The following RANBP3 variants were observed in gnomAD, a reference collection of about 807,000 sequenced individuals.
The protein encoded by RANBP3 is ran-binding protein 3.
In RANBP3, 14 loss-of-function variants were observed where a neutral mutation model predicts 77.3. The ratio of observed to expected loss-of-function variants is 0.18; its 90% confidence interval spans 0.12 to 0.28. The LOEUF (loss-of-function observed/expected upper bound fraction) is 0.28, where lower values mean the gene tolerates loss of function less well. Ranked by LOEUF, RANBP3 falls within the 10% of genes least tolerant of loss-of-function variation. The pLI is 1.00. For missense variants in RANBP3, 586 were observed against 752.3 expected, an observed-to-expected ratio of 0.78 and a Z score of 2.59; for synonymous variants, 315 against 312.4, an observed-to-expected ratio of 1.01 and a Z score of -0.09.
chr19:5,975,758 T>TA (rs1242322890), intron 1 of RANBP3, among the ~76,000 whole-genome samples: 4 of 150,766 alleles, frequency 2.7e-5, no homozygotes, highest in African/African-American at 9.8e-5. Context: ...CTCTCATTAA[T>TA]AAAGTAACAT....
At chr19:5,976,850 G>C (rs1265890595) in intron 1 of RANBP3, among the ~76,000 whole-genome samples, 1 of 152,216 alleles carries the variant, frequency 6.6e-6, no homozygotes, top group Non-Finnish European at 1.5e-5. Flanking sequence ...AGAATCTGCA[G>C]GGACTGAGCA....
At chr19:5,918,061 C>A (rs999752646) in intron 15 of RANBP3, 81 bp from the exon 16 acceptor site, 8 of 1,447,066 alleles carry the variant, frequency 5.5e-6, no homozygotes, top group Non-Finnish European at 6.5e-6. Context: ...GTGCCAAGTC[C>A]CAAGGTTCAG....
At chr19:5,947,605 T>G (rs140489050) in intron 3 of RANBP3, among the ~76,000 whole-genome samples, 3 of 152,290 alleles carry the variant, frequency 2.0e-5, no homozygotes, top group East Asian at 3.9e-4. Flanking sequence ...GAGGGCCCTT[T>G]GACTTGTCTC....
Position 5,928,183 on chromosome 19 carries a change from C to T in RANBP3, c.694-96G>A, listed in dbSNP as rs2057938873. The stretch of plus-strand genomic sequence containing the variant: ...ATCCCACACCAGATCATGTACTCCA[C>T]ACGTCTCCTCTGCATGTGCCTGCAC... On this transcript the variant is annotated intron_variant, in intron 8 of 16. Coordinates refer to ENST00000340578, the MANE Select transcript of RANBP3 (RefSeq NM_007322.3). 2.8e-6 allele frequency: 4 copies of T among 1,410,764 alleles called. No individual in the cohort carries two copies. The East Asian group carries it at 9.4e-5, about 33-fold the overall frequency. The allele number at this position is 1,410,764 out of a possible 1,614,324, so 87.4% of individuals were successfully genotyped here. A position where few individuals can be genotyped will look rare whatever the true frequency, so the allele number is the denominator to read the frequency against.
rs1383802415 is a variant in RANBP3, at chr19:5,951,608, A to G, written c.79-12T>C. 1.2e-6 allele frequency: 2 copies of G among 1,610,136 alleles called. No individual in the cohort carries two copies. The highest frequency in any genetic ancestry group is 8.5e-7 in the Non-Finnish European group (1 of 1,178,124). On this transcript the variant is annotated splice_polypyrimidine_tract_variant and intron_variant, in intron 2 of 16. Coordinates refer to ENST00000340578, the MANE Select transcript of RANBP3 (RefSeq NM_007322.3). ...TGCTCTGCAGGGGACTGGGAGCAAA[A>G]AAGACAATTTTCCTTCAATGTGAAT...
chr19:5,941,732 G>C (rs147717155), intron 4 of RANBP3, 25 bp from the exon 5 acceptor site: 2 of 1,612,606 alleles, frequency 1.2e-6, no homozygotes, highest in Non-Finnish European at 1.7e-6. Context: ...GAGAAGAGGA[G>C]GAGAAAAATC....
At chr19:5,940,123 G>A (rs1568460923) in intron 5 of RANBP3, among the ~76,000 whole-genome samples, 1 of 152,198 alleles carries the variant, frequency 6.6e-6, no homozygotes, top group African/African-American at 2.4e-5. Flanking sequence ...TGCCCCTCAC[G>A]CCTCCAGTTA....
At chr19:5,926,574 G>A (rs1425103039) in intron 9 of RANBP3, among the ~76,000 whole-genome samples, 1 of 152,106 alleles carries the variant, frequency 6.6e-6, no homozygotes, top group Non-Finnish European at 1.5e-5. Context: ...AGAATCCATG[G>A]CTCAAGTTTG....
chr19:5,951,407 G>C lies in RANBP3; in HGVS notation c.268C>G (p.Arg90Gly). ...APEAQLPPFP[R>G]ELAGRSAGGS... ...TGTGGACTTACCCCTGCCAGTTCTCGCGGAAAAGGAGGAAGCTGGGCTTCA... is the reference window on the plus strand; with the variant it reads ...TGTGGACTTACCCCTGCCAGTTCTCCCGGAAAAGGAGGAAGCTGGGCTTCA... Residue 90 changes from arginine to glycine, a missense_variant, in exon 3 of 17, where the codon CGA becomes GGA. Arg to Gly is a moderately radical substitution (Grantham distance 125). This residue lies in a region of RANBP3 where 172 missense variants were observed against 183.4 expected (regional missense o/e 0.94). Transcript: ENST00000340578. 1 of 1,561,086 alleles carries C rather than the reference G, an allele frequency of 6.4e-7. No homozygotes were observed. The highest frequency in any genetic ancestry group is 1.8e-4 in the Middle Eastern group (1 of 5,420).
rs962656432 is a variant in RANBP3 at position 5,917,448 on chromosome 19, A to T, written c.*162T>A. The T allele has an allele frequency of 9.9e-6, 7 of 704,152 alleles. No individual in the cohort carries two copies. The Admixed American group carries it at 2.1e-4, about 21-fold the overall frequency. 43.6% of individuals were successfully genotyped at this position (704,152 alleles called of 1,614,324 possible). A position where few individuals can be genotyped will look rare whatever the true frequency, so the allele number is the denominator to read the frequency against. ...CCAAACCACATTCAGGCAGTTCCCG[A>T]GTCTGCTTTTGAACAGGACGTGCGG... On this transcript the variant is annotated 3_prime_UTR_variant, in exon 17 of 17. Coordinates refer to ENST00000340578, the MANE Select transcript of RANBP3 (RefSeq NM_007322.3).
intron 1 of RANBP3, chr19:5,974,469 A>G (rs1302502625): frequency 3.3e-5 from 5 of 152,146 alleles, no homozygotes; most frequent in Admixed American, 2.6e-4. Flanking sequence ...GGAGGTATCA[A>G]TGGGGAAATG....
In RANBP3 at chr19:5,959,249, G is replaced by T. The variant is rs973880193; in HGVS notation, c.23-1276C>A. 1.3e-5 allele frequency among the ~76,000 whole-genome samples: 2 copies of T among 152,164 alleles called. No individual in the cohort carries two copies. The highest frequency in any genetic ancestry group is 2.9e-5 in the Non-Finnish European group (2 of 68,016). ...AAGGGGATGCCTGGGGTTGGTTTAG[G>T]TTGAAAGCAAACAGTTTGGGGAAGG... On this transcript the variant is annotated intron_variant, in intron 1 of 16. Transcript: ENST00000340578. The surrounding 1 kb of genome is among the most constrained non-coding windows in gnomAD (Gnocchi z 5.1).
chr19:5,970,053 T>C (rs1415708807), intron 1 of RANBP3, among the ~76,000 whole-genome samples: 5 of 152,152 alleles, frequency 3.3e-5, no homozygotes, highest in Admixed American at 3.3e-4. Context: ...TCTGGAGACA[T>C]TGTGACTGTC....
intron 2 of RANBP3, among the ~76,000 whole-genome samples, chr19:5,955,653 T>C (rs1224373313): frequency 6.6e-6 from 1 of 152,242 alleles, no homozygotes; most frequent in Non-Finnish European, 1.5e-5. Context: ...AGTCTTCAGA[T>C]TTAAAGAATT....
chr19:5,965,344 G>A (rs1354062070), intron 1 of RANBP3, among the ~76,000 whole-genome samples: 3 of 152,096 alleles, frequency 2.0e-5, no homozygotes, highest in East Asian at 3.8e-4. Flanking sequence ...AAAGGAGGAG[G>A]GCGGTTTCAA....
intron 5 of RANBP3, among the ~76,000 whole-genome samples, chr19:5,941,415 C>T (rs1280980695): frequency 3.3e-5 from 5 of 152,152 alleles, no homozygotes; most frequent in Non-Finnish European, 5.9e-5. Context: ...CTCACCATGC[C>T]GTCAGTGTCA....
chr19:5,925,067 C>T, intron 10 of RANBP3, 162 bp from the exon 11 acceptor site: 1 of 700,122 alleles, frequency 1.4e-6, no homozygotes. Flanking sequence ...CACACACCTC[C>T]CTGTGCCATT....
rs555027281 is a variant in RANBP3 at position 5,929,474 on chromosome 19, T to C, written c.694-1387A>G. The stretch of plus-strand genomic sequence containing the variant: ...GAGATGGGGCAGGCAAACAGCAAAA[T>C]GTTTCTGACTACAGGGTATGTCTAT... On this transcript the variant is annotated intron_variant, in intron 8 of 16. Coordinates refer to ENST00000340578, the MANE Select transcript of RANBP3 (RefSeq NM_007322.3). Among the ~76,000 whole-genome samples, 4 of 152,274 alleles carry C rather than the reference T, an allele frequency of 2.6e-5. 1 individual carries two copies. The South Asian group carries it at 8.3e-4, about 32-fold the overall frequency.
rs1416045433 is a variant in RANBP3, at chr19:5,958,508, C to T, written c.23-535G>A. 1.3e-5 allele frequency among the ~76,000 whole-genome samples: 2 copies of T among 152,234 alleles called. No homozygotes were observed. The highest frequency in any genetic ancestry group is 4.8e-5 in the African/African-American group (2 of 41,472). On this transcript the variant is annotated intron_variant, in intron 1 of 16. Transcript: ENST00000340578. This position sits in a 1 kb window ranked among gnomAD's most constrained non-coding sequence, Gnocchi z 4.4. ...AAAGGATGTCTGGAGTTGCTAGAGGCCTGAGAGTCCATCTTGCACAGCGGC... is the reference window on the plus strand; with the variant it reads ...AAAGGATGTCTGGAGTTGCTAGAGGTCTGAGAGTCCATCTTGCACAGCGGC...
Sources: gnomAD v4.1 joint callset for allele counts (sites outside exome capture counted in the v4.1 genomes callset) on GRCh38, gnomAD v4.1.1 for gene constraint, gnomAD v4.1.1 regional missense constraint, Gnocchi (gnomAD v3.1) non-coding constraint, MANE v1.5 for transcripts, NCBI Gene and HGNC (gene_info 2026-07-23, HGNC 2026-07-21) for gene names.